SLCO1B3: variants seen among roughly 807,000 people sequenced by gnomAD.
SLCO1B3 encodes the protein liver-specific organic anion transporter 2.
SLCO1B3 carries 72 observed loss-of-function variants against 71.8 expected under a neutral mutation model. That is an observed-to-expected ratio of 1.00 (90% CI 0.83 to 1.22). SLCO1B3 has a LOEUF of 1.22. Ranked by LOEUF, SLCO1B3 falls within the 50% of genes most tolerant of loss-of-function variation. The pLI is 0.00. For synonymous variants in SLCO1B3, 298 were observed against 278.4 expected (o/e 1.07, Z -0.70); for missense variants, 911 against 819.7 (o/e 1.11, Z -1.36).
At chr12:20,875,532 G>C in intron 9 of SLCO1B3, 55 bp downstream of exon 9, 1 of 1,532,178 alleles carries the variant, frequency 6.5e-7, no homozygotes, top group Non-Finnish European at 8.8e-7. Flanking sequence ...ATGAAACGGA[G>C]AAGTGAGTAA....
intron 13 of SLCO1B3, among the ~76,000 whole-genome samples, chr12:20,893,641 G>T (rs980784575): frequency 1.3e-5 from 2 of 152,180 alleles, no homozygotes; most frequent in African/African-American, 2.4e-5. Context: ...ACAAGAAAGT[G>T]AAAGGGCTAC....
chr12:20,817,649 A>T (rs575488789), intron 3 of SLCO1B3, among the ~76,000 whole-genome samples: 71 of 152,058 alleles, frequency 4.7e-4, no homozygotes, highest in African/African-American at 1.7e-3. Context: ...GTGCAGTGGC[A>T]TGATCTCGGC....
intron 8 of SLCO1B3, among the ~76,000 whole-genome samples, chr12:20,864,344 G>A (rs1865330758): frequency 6.6e-6 from 1 of 151,910 alleles, no homozygotes; most frequent in Admixed American, 6.6e-5. Flanking sequence ...TCGTGTCTGT[G>A]TTAGCATATA....
At chr12:20,820,869 C>T (rs1012975774) in intron 3 of SLCO1B3, among the ~76,000 whole-genome samples, 1 of 152,138 alleles carries the variant, frequency 6.6e-6, no homozygotes, top group Admixed American at 6.5e-5. Context: ...GGAGCATTAA[C>T]CTTGACTATG....
chr12:20,842,516 G>A (rs1346743988), intron 3 of SLCO1B3, among the ~76,000 whole-genome samples: 1 of 150,992 alleles, frequency 6.6e-6, no homozygotes, highest in Non-Finnish European at 1.5e-5. Context: ...TTTTTTAATT[G>A]CTTCTTATTC....
At chr12:20,885,056 C>G (rs1391448808) in intron 13 of SLCO1B3, among the ~76,000 whole-genome samples, 1 of 152,062 alleles carries the variant, frequency 6.6e-6, no homozygotes, top group African/African-American at 2.4e-5. Flanking sequence ...TTAATTGAAA[C>G]CTTTTCATGA....
At chr12:20,904,166 G>A (rs1454437403) in intron 15 of SLCO1B3, among the ~76,000 whole-genome samples, 2 of 150,042 alleles carry the variant, frequency 1.3e-5, no homozygotes, top group Admixed American at 6.6e-5. Flanking sequence ...CATGAACCCA[G>A]GAGGTGGAGC....
chr12:20,812,933 T>C (rs1340933704), intron 1 of SLCO1B3, among the ~76,000 whole-genome samples: 1 of 152,174 alleles, frequency 6.6e-6, no homozygotes. Flanking sequence ...TTTTAAATTA[T>C]GAAGAAACAG....
rs532219452 is a variant in SLCO1B3, at chr12:20,846,828, T to A, written c.85-8200T>A. On this transcript the variant is annotated intron_variant, in intron 3 of 15. Coordinates refer to ENST00000381545, the MANE Select transcript of SLCO1B3 (RefSeq NM_019844.4). ...TTAGAACTGTCTTCTGACTGTTAAG[T>A]CCAGAAATTTTACCGTATTACACTA... 4.6e-3 allele frequency among the ~76,000 whole-genome samples: 697 copies of A among 151,830 alleles called. 4 individuals are homozygous for A. Among genetic ancestry groups the A allele is most frequent in the African/African-American group, 0.015 (625 of 41,436 alleles).
chr12:20,814,548 G>A (rs1400236339), intron 2 of SLCO1B3, among the ~76,000 whole-genome samples: 1 of 152,076 alleles, frequency 6.6e-6, no homozygotes. Context: ...AGTAATACTG[G>A]TATGCTTACA....
intron 3 of SLCO1B3, among the ~76,000 whole-genome samples, chr12:20,847,272 T>C (rs1036942857): frequency 1.3e-5 from 2 of 152,166 alleles, no homozygotes; most frequent in African/African-American, 4.8e-5. Context: ...ATGGACTGAA[T>C]ATTTGTGCCT....
At position 20,880,157 on chromosome 12, in the gene SLCO1B3, A is replaced by G. The variant is rs150015293; in HGVS notation, c.1331+526A>G. ...ATCTTTAAGCTTAAACATTATACAA[A>G]TAACATTTTATAATTTTAGTCATAA... On this transcript the variant is annotated intron_variant, in intron 11 of 15. Transcript: ENST00000381545. Among the ~76,000 whole-genome samples the G allele has an allele frequency of 5.6e-3, 841 of 151,458 alleles. 13 individuals are homozygous for G. Among genetic ancestry groups the G allele is most frequent in the African/African-American group, 0.02 (822 of 41,464 alleles).
At chr12:20,855,385 A>T (rs1197063239) in intron 4 of SLCO1B3, among the ~76,000 whole-genome samples, 2 of 152,126 alleles carry the variant, frequency 1.3e-5, no homozygotes, top group East Asian at 3.8e-4. Context: ...GCTGCTAAAC[A>T]CTGTGCAATG....
At chr12:20,833,767 T>G (rs1286783088) in intron 3 of SLCO1B3, among the ~76,000 whole-genome samples, 1 of 147,804 alleles carries the variant, frequency 6.8e-6, no homozygotes, top group Non-Finnish European at 1.5e-5. Flanking sequence ...TACATATATG[T>G]AGTTTATCAT....
intron 8 of SLCO1B3, among the ~76,000 whole-genome samples, chr12:20,874,725 G>A (rs73233622): frequency 0.018 from 2,799 of 152,280 alleles, 90 homozygotes; most frequent in African/African-American, 0.064. Flanking sequence ...TTCATCCTCT[G>A]TGCTGTCTGG....
intron 8 of SLCO1B3, among the ~76,000 whole-genome samples, chr12:20,866,356 A>G (rs978826604): frequency 1.1e-4 from 17 of 152,204 alleles, no homozygotes; most frequent in African/African-American, 3.1e-4. Flanking sequence ...AACATTGGGC[A>G]CATAAACCTG....
chr12:20,818,534 C>T (rs761678668), intron 3 of SLCO1B3, among the ~76,000 whole-genome samples: 6 of 151,964 alleles, frequency 3.9e-5, no homozygotes, highest in Non-Finnish European at 8.8e-5. Context: ...ATTTGCCAGT[C>T]CTGGGTGGGG....
intron 3 of SLCO1B3, among the ~76,000 whole-genome samples, chr12:20,843,419 T>G (rs1373976200): frequency 6.6e-6 from 1 of 152,158 alleles, no homozygotes; most frequent in South Asian, 2.1e-4. Flanking sequence ...AATAATATAT[T>G]TCCTTATAGT....
chr12:20,849,787 ATAAT>A (rs796374952), intron 3 of SLCO1B3, among the ~76,000 whole-genome samples: 60 of 152,086 alleles, frequency 3.9e-4, no homozygotes, highest in African/African-American at 1.4e-3. Flanking sequence ...GCATTGAAAA[ATAAT>A]TAAAGGAGTA....
Sources: allele counts gnomAD v4.1 joint callset (sites outside exome capture counted in the v4.1 genomes callset), GRCh38; gene constraint gnomAD v4.1.1; transcripts MANE v1.5; gene names NCBI Gene and HGNC (gene_info 2026-07-23, HGNC 2026-07-21).